RAB20: variants seen among roughly 807,000 people sequenced by gnomAD.
The protein encoded by RAB20 is ras-related protein Rab-20.
Under a neutral mutation model 3.7 loss-of-function variants are expected in RAB20, and 2 were observed. The ratio of observed to expected loss-of-function variants is 0.54; its 90% CI spans 0.22 to 1.69. The LOEUF (loss-of-function observed/expected upper bound fraction) is 1.69. Among genes scored for constraint, RAB20 ranks in the 40% most tolerant of loss-of-function variants. The pLI, the probability that RAB20 is intolerant of heterozygous loss-of-function variation, is 0.19. For synonymous variants in RAB20, 126 were observed against 130.8 expected, an observed-to-expected ratio of 0.96 and a Z score of 0.25; for missense variants, 276 against 311.9, an observed-to-expected ratio of 0.88 and a Z score of 0.87.
intron 1 of RAB20, among the ~76,000 whole-genome samples, chr13:110,529,630 A>G (rs1566583744): frequency 2.6e-5 from 4 of 152,134 alleles, no homozygotes; most frequent in Admixed American, 1.3e-4. Context: ...AGGGTCAGTG[A>G]GCTGCCAACC....
chr13:110,553,441 T>C (rs760704331), intron 1 of RAB20, among the ~76,000 whole-genome samples: 4 of 152,224 alleles, frequency 2.6e-5, no homozygotes, highest in Non-Finnish European at 5.9e-5. Flanking sequence ...CATTGTCTCC[T>C]TTACACAACC....
chr13:110,559,216 C>T (rs1885092249), intron 1 of RAB20, among the ~76,000 whole-genome samples: 1 of 152,166 alleles, frequency 6.6e-6, no homozygotes, highest in Non-Finnish European at 1.5e-5. Flanking sequence ...CCTGCACCCC[C>T]ACCCCAGCCC....
rs773519361 is a variant in RAB20 at position 110,524,187 on chromosome 13, C to G, written c.183G>C (p.Gln61His). The G allele has an allele frequency of 6.3e-7, 1 of 1,592,466 alleles. No individual in the cohort carries two copies. The highest frequency in any genetic ancestry group is 1.1e-5 in the South Asian group (1 of 89,966). Residue 61 changes from glutamine to histidine, a missense_variant, in exon 2 of 2, where the codon CAG becomes CAC. Physicochemically the swap from Gln to His is conservative, Grantham distance 24. Transcript: ENST00000267328. The stretch of plus-strand genomic sequence containing the variant: ...AGTACATGGAGCCCAGGCCGTGGAA[C>G]TGCTCCCGCCCTGGTGGGAAGAGAG... Reference protein sequence around the residue: ...ISIWDTAGREQFHGLGSMYCR... With the variant: ...ISIWDTAGREHFHGLGSMYCR...
chr13:110,546,986 C>T (rs1016694185), intron 1 of RAB20, among the ~76,000 whole-genome samples: 2 of 152,144 alleles, frequency 1.3e-5, no homozygotes, highest in African/African-American at 2.4e-5. Context: ...GGGATCCTCC[C>T]GTCTGAGTCT....
rs1040644453 is a variant in RAB20 at position 110,555,817 on chromosome 13, C to T, written c.172+5531G>A. The stretch of plus-strand genomic sequence containing the variant: ...TATTCTCACTCTTTACCACGGCCAC[C>T]GCGAGTGCCCCCAGCCTTCCCTCCT... On this transcript the variant is annotated intron_variant, in intron 1 of 1. Transcript: ENST00000267328. This position sits in a 1 kb window ranked among gnomAD's most constrained non-coding sequence, Gnocchi z 4.0. 3.3e-5 allele frequency among the ~76,000 whole-genome samples: 5 copies of T among 152,198 alleles called. No homozygotes were observed. The highest frequency in any genetic ancestry group is 5.9e-5 in the Non-Finnish European group (4 of 68,038).
intron 1 of RAB20, among the ~76,000 whole-genome samples, chr13:110,559,505 C>A (rs1885097364): frequency 1.3e-5 from 2 of 152,212 alleles, no homozygotes; most frequent in African/African-American, 2.4e-5. Flanking sequence ...AGGAGGCAGG[C>A]AAGGGTGCCC....
chr13:110,537,134 C>T (rs1274966974), intron 1 of RAB20, among the ~76,000 whole-genome samples: 1 of 151,926 alleles, frequency 6.6e-6, no homozygotes, highest in Non-Finnish European at 1.5e-5. Context: ...GCTCACGCCA[C>T]TACGCCTGGG....
chr13:110,527,108 A>T (rs1276826299), intron 1 of RAB20, among the ~76,000 whole-genome samples: 1 of 152,250 alleles, frequency 6.6e-6, no homozygotes, highest in East Asian at 1.9e-4. Context: ...CACTGTTTAG[A>T]GCCAAATAGC....
At chr13:110,535,213 C>T (rs1474385797) in intron 1 of RAB20, among the ~76,000 whole-genome samples, 1 of 152,244 alleles carries the variant, frequency 6.6e-6, no homozygotes, top group Non-Finnish European at 1.5e-5. Flanking sequence ...TTGAAAAGCA[C>T]ACATCTCACC....
At chr13:110,546,094 CA>C (rs11377927) in intron 1 of RAB20, among the ~76,000 whole-genome samples, 7 of 150,342 alleles carry the variant, frequency 4.7e-5, no homozygotes, top group East Asian at 2.0e-4. Context: ...AGATAGGCAC[CA>C]AAAAAAAAGC....
intron 1 of RAB20, among the ~76,000 whole-genome samples, chr13:110,546,513 CAT>C (rs1041921441): frequency 3.3e-5 from 5 of 152,292 alleles, no homozygotes; most frequent in African/African-American, 7.2e-5. Context: ...CACAGTCACA[CAT>C]GAGTCTTCCA....
At chr13:110,558,595 T>C (rs962846605) in intron 1 of RAB20, among the ~76,000 whole-genome samples, 1 of 151,650 alleles carries the variant, frequency 6.6e-6, no homozygotes, top group Non-Finnish European at 1.5e-5. Context: ...TTAACCAGGC[T>C]GGTCTTGAAC....
intron 1 of RAB20, among the ~76,000 whole-genome samples, chr13:110,549,440 T>C (rs1034711340): frequency 9.2e-5 from 14 of 152,036 alleles, no homozygotes; most frequent in Admixed American, 2.6e-4. Flanking sequence ...CCACGGTTCC[T>C]AGCTCATGAT....
At chr13:110,542,517 C>T (rs1305378711) in intron 1 of RAB20, among the ~76,000 whole-genome samples, 24 of 152,192 alleles carry the variant, frequency 1.6e-4, no homozygotes, top group African/African-American at 5.3e-4. Flanking sequence ...CTTGTAACCA[C>T]CATTCCACTC....
intron 1 of RAB20, among the ~76,000 whole-genome samples, chr13:110,548,551 C>A (rs999592219): frequency 2.0e-5 from 3 of 152,046 alleles, no homozygotes; most frequent in Middle Eastern, 3.2e-3. Flanking sequence ...TCTCACCTGC[C>A]TCCATCCTCA....
At chr13:110,544,592 A>G (rs894261872) in intron 1 of RAB20, among the ~76,000 whole-genome samples, 1 of 152,250 alleles carries the variant, frequency 6.6e-6, no homozygotes, top group Non-Finnish European at 1.5e-5. Context: ...AACTCATGCA[A>G]TGAAGGAGCC....
chr13:110,547,879 C>G (rs900749882), intron 1 of RAB20, among the ~76,000 whole-genome samples: 12 of 152,204 alleles, frequency 7.9e-5, no homozygotes, highest in African/African-American at 2.9e-4. Flanking sequence ...GCCTACACAA[C>G]AGTATTGCAA....
chr13:110,526,300 G>GT (rs1884430363), intron 1 of RAB20, among the ~76,000 whole-genome samples: 1 of 152,242 alleles, frequency 6.6e-6, no homozygotes, highest in Admixed American at 6.5e-5. Context: ...CACCCAGGGA[G>GT]TGTCCAGGCC....
intron 1 of RAB20, among the ~76,000 whole-genome samples, chr13:110,542,615 C>A (rs2477910): frequency 0.25 from 37,866 of 152,108 alleles, 4,982 homozygotes; most frequent in East Asian, 0.36. Flanking sequence ...ATTTCACTTA[C>A]CATGATGTCC....
Sources: gnomAD v4.1 joint callset for allele counts (sites outside exome capture counted in the v4.1 genomes callset) on GRCh38, gnomAD v4.1.1 for gene constraint, Gnocchi (gnomAD v3.1) non-coding constraint, MANE v1.5 for transcripts, NCBI Gene and HGNC (gene_info 2026-07-23, HGNC 2026-07-21) for gene names.